Variants in GALNTL5 observed in about 807,000 individuals in gnomAD.
The protein encoded by GALNTL5 is polypeptide N-acetylgalactosaminyltransferase like 5.
In GALNTL5, 44 loss-of-function variants were observed where a neutral mutation model predicts 51.0. The ratio of observed to expected loss-of-function variants is 0.86; its 90% CI spans 0.68 to 1.11. GALNTL5 has a LOEUF of 1.11. Among genes scored for constraint, GALNTL5 ranks in the 50% least tolerant of loss-of-function variants. GALNTL5 has a pLI of 0.00. For missense variants in GALNTL5, 528 were observed against 531.8 expected, an observed-to-expected ratio of 0.99 and a Z score of 0.07; for synonymous variants, 192 against 182.8, an observed-to-expected ratio of 1.05 and a Z score of -0.41.
In GALNTL5 at chr7:152,014,743, A is replaced by G. The variant is rs749905900; in HGVS notation, c.1126A>G (p.Met376Val). Residue 376 changes from methionine to valine, a missense_variant, in exon 8 of 9, where the codon ATG (methionine) becomes GTG (valine). By Grantham distance (21) the Met-to-Val change is conservative (BLOSUM62 1). Coordinates refer to ENST00000392800, the MANE Select transcript of GALNTL5 (RefSeq NM_145292.4). The part of the protein sequence containing the change: ...TGKPSTIISA[M>V]THNYLRLVHV... ...AAAACCTTCTACAATCATCAGTGCTATGACACATAACTACCTAAGACTGGT... is the reference window on the plus strand; with the variant it reads ...AAAACCTTCTACAATCATCAGTGCTGTGACACATAACTACCTAAGACTGGT... 1.4e-5 allele frequency: 22 copies of G among 1,613,874 alleles called. No individual in the cohort carries two copies. The highest frequency in any genetic ancestry group is 1.7e-5 in the Admixed American group (1 of 59,952).
chr7:152,016,192 G>C (rs952764316), intron 8 of GALNTL5, among the ~76,000 whole-genome samples: 1 of 152,114 alleles, frequency 6.6e-6, no homozygotes, highest in African/African-American at 2.4e-5. Flanking sequence ...ATCACCTGAG[G>C]TTGGGAGTTC....
At chr7:151,995,392 C>CTTTTTT (rs2081487115) in intron 5 of GALNTL5, 1 of 62,978 alleles carries the variant, frequency 1.6e-5, no homozygotes, top group African/African-American at 6.5e-5. Flanking sequence ...TTTTTTTTTG[C>CTTTTTT]ATGGGAGCGG....
chr7:151,994,857 A>C (rs1301024751), intron 5 of GALNTL5: 2 of 74,352 alleles, frequency 2.7e-5, no homozygotes, highest in African/African-American at 9.5e-5. Flanking sequence ...TCCCGGGTTC[A>C]CACCATTCTC....
At chr7:152,018,948 G>A (rs2151964142) in intron 8 of GALNTL5, among the ~76,000 whole-genome samples, 1 of 152,244 alleles carries the variant, frequency 6.6e-6, no homozygotes, top group Admixed American at 6.5e-5. Flanking sequence ...GTTTGCGAAG[G>A]GCTTCAGTCT....
chr7:151,985,271 T>C (rs1379293732), intron 4 of GALNTL5, among the ~76,000 whole-genome samples: 1 of 152,120 alleles, frequency 6.6e-6, no homozygotes, highest in East Asian at 1.9e-4. Flanking sequence ...TCATCACACA[T>C]TGTGGTCCCC....
At chr7:152,002,255 G>C (rs1452916146) in intron 5 of GALNTL5, among the ~76,000 whole-genome samples, 1 of 151,920 alleles carries the variant, frequency 6.6e-6, no homozygotes. Context: ...ACTCCAGCCT[G>C]GGTGATAGAA....
At chr7:151,995,872 C>T (rs1171869737) in intron 5 of GALNTL5, among the ~76,000 whole-genome samples, 1 of 152,058 alleles carries the variant, frequency 6.6e-6, no homozygotes, top group Non-Finnish European at 1.5e-5. Flanking sequence ...AGCCTTTTAT[C>T]CCAGTTAAAG....
At chr7:152,002,614 A>G in intron 5 of GALNTL5, 100 bp from the exon 6 acceptor site, 1 of 1,294,462 alleles carries the variant, frequency 7.7e-7, no homozygotes, top group South Asian at 1.4e-5. Context: ...CCAAACACAT[A>G]GTAAATGCTC....
rs772733688 is a variant in GALNTL5, at chr7:151,963,516, G to A, written c.-39-3692G>A. The stretch of plus-strand genomic sequence containing the variant: ...GGGTTCAAGCCATTCTCGTGCCTCA[G>A]CCTCCAGAGTAGCTGGGATTATAGA... On this transcript the variant is annotated intron_variant, in intron 1 of 8. Transcript: ENST00000392800. 4.6e-5 allele frequency among the ~76,000 whole-genome samples: 7 copies of A among 152,316 alleles called. No homozygotes were observed. The South Asian group carries it at 8.3e-4, about 18-fold the overall frequency.
chr7:151,966,237 T>C (rs1332193585), intron 1 of GALNTL5, among the ~76,000 whole-genome samples: 2 of 151,944 alleles, frequency 1.3e-5, no homozygotes, highest in African/African-American at 2.4e-5. Context: ...AAACTTCAGT[T>C]GCATCTAGTT....
rs2081869233 is a variant in GALNTL5, at chr7:152,019,882, G to A, written c.*81G>A. 1.7e-6 allele frequency: 2 copies of A among 1,168,938 alleles called. No individual in the cohort carries two copies. Among genetic ancestry groups the A allele is most frequent in the Admixed American group, 2.5e-5 (1 of 40,098 alleles). 72.4% of individuals were successfully genotyped at this position (1,168,938 alleles called of 1,614,324 possible). On this transcript the variant is annotated 3_prime_UTR_variant, in exon 9 of 9. Coordinates refer to ENST00000392800, the MANE Select transcript of GALNTL5 (RefSeq NM_145292.4). Reference sequence around the variant, plus strand: ...CATAGTGTCACAAGAGTGTAAGTTTGGAACATCGTGGAATTACGTGAAATG... The same window carrying A: ...CATAGTGTCACAAGAGTGTAAGTTTAGAACATCGTGGAATTACGTGAAATG...
At chr7:152,019,533 G>A (rs1276949126) in intron 8 of GALNTL5, 113 bp from the exon 9 acceptor site, 2 of 1,042,532 alleles carry the variant, frequency 1.9e-6, no homozygotes, top group Non-Finnish European at 2.8e-6. Context: ...GGGATCTGGA[G>A]GGCTTTTTTA....
chr7:151,990,537 C>T (rs959223004), intron 5 of GALNTL5, among the ~76,000 whole-genome samples: 27 of 116,592 alleles, frequency 2.3e-4, no homozygotes, highest in African/African-American at 6.8e-4. Context: ...GCCGAGATTG[C>T]GCCACTGCAC....
intron 3 of GALNTL5, among the ~76,000 whole-genome samples, chr7:151,982,602 A>G (rs2081306899): frequency 6.6e-6 from 1 of 151,998 alleles, no homozygotes; most frequent in Non-Finnish European, 1.5e-5. Flanking sequence ...GAGCTTAATA[A>G]TTCATTTTTA....
At chr7:152,007,382 T>G (rs1307532031) in intron 6 of GALNTL5, among the ~76,000 whole-genome samples, 2 of 151,568 alleles carry the variant, frequency 1.3e-5, no homozygotes, top group African/African-American at 4.8e-5. Flanking sequence ...CTTAAATGTA[T>G]AATAGGATAA....
intron 7 of GALNTL5, among the ~76,000 whole-genome samples, chr7:152,012,678 G>A (rs557451087): frequency 8.5e-5 from 13 of 152,264 alleles, no homozygotes; most frequent in African/African-American, 3.1e-4. Context: ...CATCAACAGC[G>A]GACTGGGGCC....
At chr7:152,013,009 C>T (rs2081759236) in intron 7 of GALNTL5, among the ~76,000 whole-genome samples, 1 of 152,142 alleles carries the variant, frequency 6.6e-6, no homozygotes, top group Non-Finnish European at 1.5e-5. Flanking sequence ...GAATGTTACA[C>T]AGCCATTTAA....
At chr7:151,988,183 G>T (rs185354953) in intron 5 of GALNTL5, among the ~76,000 whole-genome samples, 25 of 152,142 alleles carry the variant, frequency 1.6e-4, no homozygotes, top group Admixed American at 7.2e-4. Context: ...CCCTCCCCTG[G>T]GGGCAGGTAT....
intron 5 of GALNTL5, among the ~76,000 whole-genome samples, chr7:151,992,905 C>T (rs1387812717): frequency 6.6e-6 from 1 of 152,088 alleles, no homozygotes; most frequent in African/African-American, 2.4e-5. Flanking sequence ...GCTCTCCGCC[C>T]CTTCTCACCC....
Sources: allele counts gnomAD v4.1 joint callset (sites outside exome capture counted in the v4.1 genomes callset), GRCh38; gene constraint gnomAD v4.1.1; transcripts MANE v1.5; gene names NCBI Gene and HGNC (gene_info 2026-07-23, HGNC 2026-07-21).